The following MGST1 variants were observed in gnomAD, a reference collection of about 807,000 sequenced individuals.
MGST1 encodes microsomal glutathione S-transferase 1, also known as glutathione S-transferase 12.
In MGST1, 5 loss-of-function variants were observed where a neutral mutation model predicts 8.9. The ratio of observed to expected loss-of-function variants is 0.56; its 90% CI spans 0.29 to 1.19. MGST1 has a LOEUF of 1.19. Among genes scored for constraint, MGST1 ranks in the 50% most tolerant of loss-of-function variants. MGST1 has a pLI of 0.08. For missense variants in MGST1, 182 were observed against 187.4 expected (o/e 0.97, Z 0.17); for synonymous variants, 54 against 67.8 (o/e 0.80, Z 1.00).
downstream of MGST1, among the ~76,000 whole-genome samples, chr12:16,379,274 C>G (rs12313517): frequency 5.9e-5 from 9 of 151,980 alleles, no homozygotes; most frequent in South Asian, 2.1e-4. Flanking sequence ...GTATGATATT[C>G]GCTGTGGGTT....
chr12:16,430,723 TAGAC>T (rs1940931298), intron 1 of MGST1, among the ~76,000 whole-genome samples: 1 of 152,180 alleles, frequency 6.6e-6, no homozygotes, highest in African/African-American at 2.4e-5. Context: ...TTATAGATCA[TAGAC>T]AGAGTAGATT....
chr12:16,520,537 G>C (rs1418011460), intron 4 of MGST1, among the ~76,000 whole-genome samples: 2 of 152,130 alleles, frequency 1.3e-5, no homozygotes, highest in Non-Finnish European at 2.9e-5. Context: ...TGTGAAGCAG[G>C]TTCCAGAGTA....
At chr12:16,525,284 A>C (rs1941677090) in intron 4 of MGST1, among the ~76,000 whole-genome samples, 1 of 132,196 alleles carries the variant, frequency 7.6e-6, no homozygotes, top group African/African-American at 2.8e-5. Context: ...TCCCAATGCT[A>C]TCCCTCCCCC....
At chr12:16,398,591 T>G (rs543156336) in intron 1 of MGST1, among the ~76,000 whole-genome samples, 1 of 152,380 alleles carries the variant, frequency 6.6e-6, no homozygotes, top group East Asian at 1.9e-4. Flanking sequence ...TTTTGCCTTC[T>G]ATCATTGTAC....
rs1940653561 is a variant in MGST1, at chr12:16,401,279, C to T, written n.778+17675C>T. The T allele has an allele frequency of 2.6e-6, 4 of 1,547,968 alleles. No individual in the cohort carries two copies. In the South Asian group the frequency reaches 4.5e-5, roughly 17 times the overall value. On this transcript the variant is annotated intron_variant and non_coding_transcript_variant, in intron 1 of 1. Transcript: ENST00000359720. The surrounding 1 kb of genome is among the most constrained non-coding windows in gnomAD (Gnocchi z 4.3). ...TCCTTGTTAGTCAGGTCTGAGAATC[C>T]CAAACTGATGCTGAAAACCATTCCT...
chr12:16,353,177 G>C (rs1294021384), intron 1 of MGST1, among the ~76,000 whole-genome samples: 2 of 152,044 alleles, frequency 1.3e-5, no homozygotes, highest in African/African-American at 2.4e-5. Context: ...GGGACTACAG[G>C]CGCCTGCCAC....
chr12:16,585,593 A>C lies in MGST1; in HGVS notation n.483-3935A>C, dbSNP rs1943293553. On this transcript the variant is annotated intron_variant and non_coding_transcript_variant, in intron 4 of 4. Coordinates refer to the MGST1 transcript ENST00000538857. The surrounding 1 kb of genome is among the most constrained non-coding windows in gnomAD (Gnocchi z 4.7). ...TCAGCTATCTGAGCATCTCTCATGC[A>C]TCAGGCCCTATGTTCCCACCTGTAT... is the stretch of plus-strand genomic sequence containing the variant. Among the ~76,000 whole-genome samples, 1 of 152,178 alleles carries C rather than the reference A, an allele frequency of 6.6e-6. No individual in the cohort carries two copies. The highest frequency in any genetic ancestry group is 1.5e-5 in the Non-Finnish European group (1 of 68,028).
chr12:16,395,804 T>TATATATATATATATAC (rs1338860243), intron 1 of MGST1, among the ~76,000 whole-genome samples: 12 of 123,750 alleles, frequency 9.7e-5, no homozygotes, highest in Admixed American at 7.4e-4. Context: ...TATATATATA[T>TATATATATATATATAC]ACACACACAC....
At chr12:16,485,284 G>A (rs528710921) in intron 4 of MGST1, among the ~76,000 whole-genome samples, 7 of 152,128 alleles carry the variant, frequency 4.6e-5, no homozygotes, top group African/African-American at 1.7e-4. Context: ...AGGCTCTCTT[G>A]TAGGCTCGAT....
chr12:16,394,591 T>TTTTTC (rs1460135136), intron 1 of MGST1, among the ~76,000 whole-genome samples: 3 of 149,226 alleles, frequency 2.0e-5, no homozygotes, highest in South Asian at 2.2e-4. Flanking sequence ...CTGTCTCTCT[T>TTTTTC]TTTTCTTTTC....
intron 4 of MGST1, among the ~76,000 whole-genome samples, chr12:16,471,634 A>G (rs1263326568): frequency 6.6e-6 from 1 of 152,214 alleles, no homozygotes; most frequent in Non-Finnish European, 1.5e-5. Flanking sequence ...AAGCCCAGAA[A>G]AAAACATATT....
At chr12:16,364,459 A>G (rs1940146266), downstream of MGST1, 2 of 940,464 alleles carry the variant, frequency 2.1e-6, no homozygotes, top group African/African-American at 3.6e-5. This position sits in a 1 kb window ranked among gnomAD's most constrained non-coding sequence, Gnocchi z 5.7. Context: ...AAAGTTTCAA[A>G]CCTAGGGTAA....
rs139641167 is a variant in MGST1 at position 16,473,253 on chromosome 12, G to A, written n.482+89649G>A. On this transcript the variant is annotated intron_variant and non_coding_transcript_variant, in intron 4 of 4. Transcript: ENST00000538857. ...ACATTTCTATTGTCAACACTGTGGG[G>A]TTGGTACAGGCATATAGGAGTTAGT... 1.8e-4 allele frequency among the ~76,000 whole-genome samples: 27 copies of A among 152,234 alleles called. No individual in the cohort carries two copies. In the East Asian group the frequency reaches 3.7e-3, roughly 21 times the overall value.
chr12:16,478,453 T>A (rs1307949689), intron 4 of MGST1, among the ~76,000 whole-genome samples: 4 of 152,188 alleles, frequency 2.6e-5, no homozygotes, highest in Admixed American at 2.6e-4. Context: ...TCCATTCTTC[T>A]TAACTCATGA....
At chr12:16,434,293 G>T (rs186716475) in intron 1 of MGST1, among the ~76,000 whole-genome samples, 24 of 152,184 alleles carry the variant, frequency 1.6e-4, no homozygotes, top group African/African-American at 2.9e-4. Context: ...CATGAATGGT[G>T]CTAGAAAGTA....
intron 4 of MGST1, among the ~76,000 whole-genome samples, chr12:16,521,636 G>A (rs1277726973): frequency 6.6e-6 from 1 of 152,122 alleles, no homozygotes; most frequent in East Asian, 1.9e-4. Flanking sequence ...GCTTTTGTGT[G>A]TGTGTGGTTT....
chr12:16,358,087 A>G (rs1441417198), intron 3 of MGST1, among the ~76,000 whole-genome samples: 1 of 152,188 alleles, frequency 6.6e-6, no homozygotes, highest in Non-Finnish European at 1.5e-5. Flanking sequence ...CAAAATAAGA[A>G]TGTTGACACT....
intron 4 of MGST1, among the ~76,000 whole-genome samples, chr12:16,459,398 T>C (rs1026530711): frequency 1.3e-5 from 2 of 152,088 alleles, no homozygotes; most frequent in Non-Finnish European, 2.9e-5. Flanking sequence ...CAAGAACCTT[T>C]CCATTCAATA....
intron 1 of MGST1, among the ~76,000 whole-genome samples, chr12:16,396,947 T>A (rs757974042): frequency 9.2e-5 from 14 of 151,906 alleles, no homozygotes; most frequent in Non-Finnish European, 1.5e-5. Flanking sequence ...CTAAAATTAA[T>A]AGGATTAATT....
Sources: allele counts gnomAD v4.1 joint callset (sites outside exome capture counted in the v4.1 genomes callset), GRCh38; gene constraint gnomAD v4.1.1; non-coding constraint Gnocchi (gnomAD v3.1); transcripts MANE v1.5; gene names NCBI Gene and HGNC (gene_info 2026-07-23, HGNC 2026-07-21).